The following QTGAL variants were observed in gnomAD, a reference collection of about 807,000 sequenced individuals.
The protein encoded by QTGAL is BGnT-like protein 1.
chr17:82,975,887 CT>C, the QTGAL span, among the ~76,000 whole-genome samples: 16 of 46,596 alleles, frequency 3.4e-4, no homozygotes, highest in Admixed American at 2.3e-3. Flanking sequence ...CCGGAGGCCA[CT>C]TATGGGGAAC....
At chr17:83,034,645 G>A in the QTGAL span, among the ~76,000 whole-genome samples, 3 of 152,304 alleles carry the variant, frequency 2.0e-5, no homozygotes, top group Non-Finnish European at 2.9e-5. Context: ...CCCACGTGTC[G>A]TGGGAGGGCC....
At chr17:83,051,750 A>G in the QTGAL span, 1 of 1,497,668 alleles carries the variant, frequency 6.7e-7, no homozygotes, top group South Asian at 1.3e-5. Context: ...GTGGGCCTGC[A>G]TGGCCTGGCT....
the QTGAL span, among the ~76,000 whole-genome samples, chr17:82,984,291 CGGGGG>C: frequency 3.9e-5 from 2 of 51,718 alleles, no homozygotes; most frequent in South Asian, 4.8e-4. Context: ...CGTGAGCACA[CGGGGG>C]AGAGGCCATG....
the QTGAL span, among the ~76,000 whole-genome samples, chr17:82,958,598 A>T: frequency 1.3e-5 from 2 of 152,126 alleles, no homozygotes; most frequent in African/African-American, 2.4e-5. Flanking sequence ...CCCACAGGCA[A>T]TGGGATGGGG....
the QTGAL span, among the ~76,000 whole-genome samples, chr17:83,035,860 GGGCGGTTTGC>G: frequency 7.6e-6 from 1 of 131,536 alleles, no homozygotes; most frequent in Admixed American, 8.5e-5. Context: ...GACCCTCGGA[GGGCGGTTTGC>G]ACGTGTGTGA....
chr17:82,949,391 C>T, the QTGAL span: 3 of 152,294 alleles, frequency 2.0e-5, no homozygotes, highest in South Asian at 2.1e-4. Context: ...AATCGAAGAG[C>T]GGGTGTTTTA....
the QTGAL span, among the ~76,000 whole-genome samples, chr17:82,970,112 G>A: frequency 5.0e-4 from 76 of 152,338 alleles, no homozygotes; most frequent in Middle Eastern, 3.4e-3. Flanking sequence ...TGGTGCTTCT[G>A]CGTCGTGACA....
chr17:83,050,099 G>A, the QTGAL span, among the ~76,000 whole-genome samples: 2 of 152,128 alleles, frequency 1.3e-5, no homozygotes, highest in African/African-American at 4.8e-5. Flanking sequence ...GGCCGGGCGC[G>A]GTAGCTCACG....
At chr17:82,954,935 A>G in the QTGAL span, among the ~76,000 whole-genome samples, 1 of 152,230 alleles carries the variant, frequency 6.6e-6, no homozygotes, top group African/African-American at 2.4e-5. Flanking sequence ...CCACATGCAG[A>G]AAACAGAAAC....
At chr17:83,029,278 G>A in the QTGAL span, among the ~76,000 whole-genome samples, 292 of 152,278 alleles carry the variant, frequency 1.9e-3, 1 homozygote, top group Middle Eastern at 0.014. Context: ...GCAACAACGC[G>A]GATGGACCTT....
the QTGAL span, chr17:83,048,390 G>C: frequency 7.8e-7 from 1 of 1,278,186 alleles, no homozygotes; most frequent in Non-Finnish European, 1.1e-6. Context: ...GTCAGTATTT[G>C]AACAACATGA....
At chr17:83,007,345 T>C in the QTGAL span, 1 of 894,134 alleles carries the variant, frequency 1.1e-6, no homozygotes, top group African/African-American at 1.8e-5. Flanking sequence ...GGTGTGTCTG[T>C]TTCTGTGCAT....
At chr17:82,946,978 G>T in the QTGAL span, 1 of 1,560,450 alleles carries the variant, frequency 6.4e-7, no homozygotes, top group East Asian at 2.4e-5. Context: ...CGCCCCCTGT[G>T]AGGTCCTGTC....
the QTGAL span, among the ~76,000 whole-genome samples, chr17:82,970,632 C>CCTCTGCACATGGCGTGGCCGT: frequency 1.7e-3 from 51 of 29,824 alleles, 1 homozygote; most frequent in Non-Finnish European, 2.3e-3. Context: ...GGCGTGGCCG[C>CCTCTGCACATGGCGTGGCCGT]GACCTCCGCA....
At chr17:82,947,215 C>G in the QTGAL span, 1 of 528,846 alleles carries the variant, frequency 1.9e-6, no homozygotes, top group East Asian at 3.1e-5. Context: ...CCCCTGCCTT[C>G]TGGCCTTGCC....
chr17:82,996,879 A>C, the QTGAL span, among the ~76,000 whole-genome samples: 1 of 152,234 alleles, frequency 6.6e-6, no homozygotes, highest in East Asian at 1.9e-4. Flanking sequence ...ATCTTTCACC[A>C]TATGCAAAAA....
At chr17:82,955,741 A>ATC in the QTGAL span, among the ~76,000 whole-genome samples, 1 of 152,222 alleles carries the variant, frequency 6.6e-6, no homozygotes, top group Non-Finnish European at 1.5e-5. Flanking sequence ...AAGACATGGA[A>ATC]TCAACCCAAA....
the QTGAL span, among the ~76,000 whole-genome samples, chr17:82,951,844 C>T: frequency 6.6e-6 from 1 of 151,922 alleles, no homozygotes; most frequent in Non-Finnish European, 1.5e-5. Flanking sequence ...GCTGTCAGAA[C>T]ATTCGCATTT....
chr17:83,002,858 GTCCGCGTGTGGGATTCCTGAGCCCGCCC>G, the QTGAL span, among the ~76,000 whole-genome samples: 1,878 of 91,218 alleles, frequency 0.021, 81 homozygotes, highest in African/African-American at 0.038. Flanking sequence ...ACTCTCTGCA[GTCCGCGTGTGGGATTCCTGAGCCCGCCC>G]TCCGCGTGTG....
Sources: allele counts gnomAD v4.1 joint callset (sites outside exome capture counted in the v4.1 genomes callset), GRCh38; gene constraint gnomAD v4.1.1; transcripts MANE v1.5; gene names NCBI Gene and HGNC (gene_info 2026-07-23, HGNC 2026-07-21).